The following INTS3 variants were observed in gnomAD, a reference collection of about 807,000 sequenced individuals.
INTS3 encodes the protein SOSS complex subunit A.
Under a neutral mutation model 146.3 loss-of-function variants are expected in INTS3, and 34 were observed. That is an observed-to-expected ratio of 0.23 (90% CI 0.18 to 0.31). The LOEUF is 0.31. INTS3 is among the 10% of genes least tolerant of loss of function. The probability of loss-of-function intolerance (pLI) is 1.00; values close to 1 mark genes in which losing one functional copy is unlikely to be tolerated. For missense variants in INTS3, 757 were observed against 1,304.2 expected, an observed-to-expected ratio of 0.58 and a Z score of 6.46; for synonymous variants, 475 against 494.9, an observed-to-expected ratio of 0.96 and a Z score of 0.53.
At chr1:153,767,313 A>G (rs539976081) in intron 20 of INTS3, 32 of 208,256 alleles carry the variant, frequency 1.5e-4, no homozygotes, top group African/African-American at 7.1e-4. Context: ...CTAAGTTTGT[A>G]TATGCTGTGA....
At chr1:153,748,951 A>T (rs988541542) in intron 6 of INTS3, among the ~76,000 whole-genome samples, 196 bp downstream of exon 6, 1 of 152,202 alleles carries the variant, frequency 6.6e-6, no homozygotes, top group African/African-American at 2.4e-5. Context: ...AATGGGAAAG[A>T]GGTCTTTGCC....
chr1:153,731,052 G>A (rs547117150), intron 1 of INTS3, among the ~76,000 whole-genome samples: 3 of 152,186 alleles, frequency 2.0e-5, no homozygotes, highest in African/African-American at 4.8e-5. Context: ...GAACACAGAG[G>A]TAGTTTCCTG....
At position 153,740,683 on chromosome 1, in the gene INTS3, G is replaced by A. The variant is rs1358100905; in HGVS notation, c.183G>A (p.Ser61=). The A allele has an allele frequency of 1.2e-6, 2 of 1,613,952 alleles. No individual in the cohort carries two copies. The highest frequency in any genetic ancestry group is 2.2e-5 in the East Asian group (1 of 44,894). ...RLERCMSIVT[S]MTAGVSEREA... ...AAAGGTGTATGAGCATTGTGACATC[G>A]ATGACTGCTGGTGTCTCGGAGAGAG... The change falls in exon 2 of 30, where the codon TCG becomes TCA. Residue 61 remains serine, a synonymous_variant. Transcript: ENST00000318967.
At chr1:153,730,111 A>G (rs1435011785) in intron 1 of INTS3, among the ~76,000 whole-genome samples, 1 of 152,214 alleles carries the variant, frequency 6.6e-6, no homozygotes, top group East Asian at 1.9e-4. Flanking sequence ...TAGAACATAC[A>G]TGCCAAAATG....
chr1:153,770,127 TGG>T lies in INTS3; in HGVS notation c.2390-64_2390-63del, dbSNP rs371912410. On this transcript the variant is annotated intron_variant, in intron 23 of 29. Coordinates refer to ENST00000318967, the MANE Select transcript of INTS3 (RefSeq NM_023015.5). ...TGCTGGTAGTCAGTGGATGGGGGGG[TGG>T]GGGGGGTGTGTGTGTGTGTGTGTTC... 1,323 of 293,744 alleles carry T rather than the reference TGG, an allele frequency of 4.5e-3. 2 individuals are homozygous for T. The highest frequency in any genetic ancestry group is 5.6e-3 in the Non-Finnish European group (947 of 168,630). 18.2% of individuals were successfully genotyped at this position (293,744 alleles called of 1,614,324 possible). A position where few individuals can be genotyped will look rare whatever the true frequency, so the allele number is the denominator to read the frequency against.
Position 153,752,325 on chromosome 1 carries a change from A to G in INTS3, c.776A>G (p.Gln259Arg). ...MIGRDLVRLL[Q>R]NVARIPEFEL... ...GGTCGGGATCTCGTAAGACTACTTCAGAATGTTGCTAGGATACCAGAATTT... is the reference window on the plus strand; with the variant it reads ...GGTCGGGATCTCGTAAGACTACTTCGGAATGTTGCTAGGATACCAGAATTT... The change falls in exon 8 of 30, where the codon CAG becomes CGG. Residue 259 changes from glutamine to arginine, a missense_variant. Gln to Arg is a conservative substitution (Grantham distance 43). This residue lies in a region of INTS3 where 134 missense variants were observed against 243.1 expected (regional missense o/e 0.55). Coordinates refer to ENST00000318967, the MANE Select transcript of INTS3 (RefSeq NM_023015.5). The G allele has an allele frequency of 6.2e-7, 1 of 1,613,544 alleles. No individual in the cohort carries two copies.
intron 3 of INTS3, among the ~76,000 whole-genome samples, chr1:153,746,623 G>A (rs548419673): frequency 1.5e-4 from 23 of 151,942 alleles, no homozygotes; most frequent in African/African-American, 2.9e-4. Context: ...GGATGGTCTC[G>A]ATCTCCTGAC....
chr1:153,771,183 G>A (rs912839571), intron 25 of INTS3, among the ~76,000 whole-genome samples: 1 of 152,198 alleles, frequency 6.6e-6, no homozygotes, highest in African/African-American at 2.4e-5. Context: ...TGACAGGGTG[G>A]GGCAGAGAGG....
intron 25 of INTS3, 121 bp downstream of exon 25, chr1:153,770,854 T>C: frequency 1.3e-6 from 1 of 761,694 alleles, no homozygotes; most frequent in Non-Finnish European, 2.3e-6. Flanking sequence ...AACATCTGCT[T>C]ATTCTGCCCT....
At chr1:153,771,706 G>A (rs961148175) in intron 25 of INTS3, 90 bp from the exon 26 acceptor site, 22 of 1,288,372 alleles carry the variant, frequency 1.7e-5, no homozygotes, top group Admixed American at 1.4e-4. Context: ...GGTGGGTGGG[G>A]AGGCCAGGGC....
chr1:153,746,905 T>C (rs1291467407), intron 3 of INTS3, 52 bp from the exon 4 acceptor site: 3 of 1,179,882 alleles, frequency 2.5e-6, no homozygotes, highest in African/African-American at 3.0e-5. Flanking sequence ...GTGGGTGGGG[T>C]GAGGACCTTA....
At position 153,757,887 on chromosome 1, in the gene INTS3, A is replaced by G. The variant is rs1323044060; in HGVS notation, c.1149+124A>G. On this transcript the variant is annotated intron_variant, in intron 10 of 29. Coordinates refer to ENST00000318967, the MANE Select transcript of INTS3 (RefSeq NM_023015.5). This position sits in a 1 kb window ranked among gnomAD's most constrained non-coding sequence, Gnocchi z 4.0. ...GGCCCTTCTTTCACTCTGGTCTTCC[A>G]GAGTGTCTCAGCCTTCACTTCCCTT... 1.5e-6 allele frequency: 1 copy of G among 679,970 alleles called. No individual in the cohort carries two copies. The allele number at this position is 679,970 out of a possible 1,614,324, so 42.1% of individuals were successfully genotyped here.
intron 20 of INTS3, among the ~76,000 whole-genome samples, chr1:153,765,773 T>C (rs1371976518): frequency 6.6e-6 from 1 of 152,082 alleles, no homozygotes; most frequent in East Asian, 1.9e-4. Context: ...TTTCTCTGTG[T>C]TGGTCAGGCT....
chr1:153,752,691 C>G (rs1052466104), intron 8 of INTS3, among the ~76,000 whole-genome samples: 2 of 152,176 alleles, frequency 1.3e-5, no homozygotes, highest in Admixed American at 1.3e-4. Context: ...CTCTTCCTGG[C>G]AGCTCCTTGG....
chr1:153,762,245 T>TC (rs1672409899), intron 14 of INTS3, among the ~76,000 whole-genome samples: 1 of 152,114 alleles, frequency 6.6e-6, no homozygotes, highest in Non-Finnish European at 1.5e-5. Context: ...GGTCAGGAGT[T>TC]CAAGACCAGC....
Position 153,774,695 on chromosome 1 carries a change from T to A in INTS3, c.*1425T>A, listed in dbSNP as rs1673073030. On this transcript the variant is annotated 3_prime_UTR_variant, in exon 30 of 30. Transcript: ENST00000318967. The stretch of plus-strand genomic sequence containing the variant: ...TTTTTACAGAATCCAGGTTCTCCCC[T>A]CCCTCATCACTGCTGTTGCTTCCTT... 1 of 184,104 alleles carries A rather than the reference T, an allele frequency of 5.4e-6. No individual in the cohort carries two copies. Among genetic ancestry groups the A allele is most frequent in the African/African-American group, 2.4e-5 (1 of 41,870 alleles). 11.4% of individuals were successfully genotyped at this position (184,104 alleles called of 1,614,324 possible). A position where few individuals can be genotyped will look rare whatever the true frequency, so the allele number is the denominator to read the frequency against.
In INTS3 at chr1:153,772,375, C is replaced by A. The variant is rs776272040; in HGVS notation, c.2756C>A (p.Thr919Asn). The change falls in exon 27 of 30, where the codon ACT becomes AAT. Residue 919 changes from threonine (T) to asparagine (N), a missense_variant. Physicochemically the swap from Thr to Asn is moderately conservative, Grantham distance 65. Transcript: ENST00000318967. The surrounding 1 kb of genome is among the most constrained non-coding windows in gnomAD (Gnocchi z 4.6). ...RSSSSKLAQL[T>N]LEQILEHLDN... The stretch of plus-strand genomic sequence containing the variant: ...TCTAGCAGCAAGCTGGCCCAGCTGA[C>A]TCTGGAGCAGATCCTGGAGCACTTG... 55 of 1,614,032 alleles carry A rather than the reference C, an allele frequency of 3.4e-5. No individual in the cohort carries two copies. Among genetic ancestry groups the A allele is most frequent in the Non-Finnish European group, 3.4e-6 (4 of 1,180,020 alleles).
chr1:153,761,699 C>T, intron 14 of INTS3, 23 bp downstream of exon 14: 1 of 1,542,088 alleles, frequency 6.5e-7, no homozygotes, highest in South Asian at 1.1e-5. Context: ...CCCATTCCAT[C>T]ACCTGTGTCA....
chr1:153,734,228 T>G lies in INTS3; in HGVS notation c.150+5444T>G, dbSNP rs113166261. Among the ~76,000 whole-genome samples, 608 of 152,314 alleles carry G rather than the reference T, an allele frequency of 4.0e-3. 8 individuals carry two copies. Among genetic ancestry groups the G allele is most frequent in the African/African-American group, 0.014 (586 of 41,576 alleles). On this transcript the variant is annotated intron_variant, in intron 1 of 29. Coordinates refer to ENST00000318967, the MANE Select transcript of INTS3 (RefSeq NM_023015.5). ...GGCATCTGAACCTATGATTCTATCT[T>G]TACTAAGAGACTCTGGAGACTAGGG...
Sources: gnomAD v4.1 joint callset for allele counts (sites outside exome capture counted in the v4.1 genomes callset) on GRCh38, gnomAD v4.1.1 for gene constraint, gnomAD v4.1.1 regional missense constraint, Gnocchi (gnomAD v3.1) non-coding constraint, MANE v1.5 for transcripts, NCBI Gene and HGNC (gene_info 2026-07-23, HGNC 2026-07-21) for gene names.